The following GAB1 variants were observed in gnomAD, a reference collection of about 807,000 sequenced individuals.
The protein encoded by GAB1 is GRB2 associated binding protein 1, also known as GRB2-associated-binding protein 1.
A neutral mutation model predicts 66.5 loss-of-function variants in GAB1; 19 were observed. That is an observed-to-expected ratio of 0.29 (90% CI 0.20 to 0.42). The LOEUF is 0.42. Among genes scored for constraint, GAB1 ranks in the 10% least tolerant of loss-of-function variants. The pLI is 1.00. For synonymous variants in GAB1, 294 were observed against 301.4 expected (o/e 0.98, Z 0.25); for missense variants, 732 against 858.5 (o/e 0.85, Z 1.84).
chr4:143,411,673 C>T lies in GAB1; in HGVS notation c.73-3804C>T, dbSNP rs185514748. On this transcript the variant is annotated intron_variant, in intron 1 of 9. Coordinates refer to ENST00000262994, the MANE Select transcript of GAB1 (RefSeq NM_002039.4). ...GATAACAAAGACTGATTTATGTGGG[C>T]CCGTTTTGTGCTCTGACAAAACATA... Among the ~76,000 whole-genome samples the T allele has an allele frequency of 3.3e-5, 5 of 152,268 alleles. No individual in the cohort carries two copies. In the East Asian group the frequency reaches 7.7e-4, roughly 24 times the overall value.
At chr4:143,445,112 A>G (rs1032078657) in intron 6 of GAB1, among the ~76,000 whole-genome samples, 7 of 152,176 alleles carry the variant, frequency 4.6e-5, no homozygotes, top group African/African-American at 1.4e-4. Context: ...ATACCCAGTA[A>G]TGGAATTGCT....
chr4:143,446,674 A>T (rs1011380186), intron 6 of GAB1, among the ~76,000 whole-genome samples: 8 of 152,066 alleles, frequency 5.3e-5, no homozygotes, highest in Non-Finnish European at 8.8e-5. Flanking sequence ...GTTTGAGTTC[A>T]TTGTAGATTC....
intron 1 of GAB1, among the ~76,000 whole-genome samples, chr4:143,352,804 CTG>C (rs943978455): frequency 2.6e-5 from 4 of 152,146 alleles, no homozygotes; most frequent in Non-Finnish European, 5.9e-5. Flanking sequence ...AGAACCAAAA[CTG>C]AGAGAGTAAC....
Position 143,349,809 on chromosome 4 carries a change from G to A in GAB1, c.72+12549G>A, listed in dbSNP as rs916860246. The A allele has an allele frequency of 1.9e-6, 3 of 1,586,690 alleles. No homozygotes were observed. The African/African-American group carries it at 4.0e-5, about 21-fold the overall frequency. ...TGAACCTCGTGCGCTGGCCGGCACGGGTCTGCTTCTGCACTGGCATAATCT... is the reference window on the plus strand; with the variant it reads ...TGAACCTCGTGCGCTGGCCGGCACGAGTCTGCTTCTGCACTGGCATAATCT... On this transcript the variant is annotated intron_variant, in intron 1 of 9. Coordinates refer to ENST00000262994, the MANE Select transcript of GAB1 (RefSeq NM_002039.4).
Position 143,473,818 on chromosome 4 carries a change from A to G in GAB1, c.*4629A>G, listed in dbSNP as rs958418154. 3.3e-5 allele frequency: 5 copies of G among 152,216 alleles called. No individual in the cohort carries two copies. The highest frequency in any genetic ancestry group is 7.3e-5 in the Non-Finnish European group (5 of 68,030). The allele number at this position is 152,216 out of a possible 1,614,324, so 9.4% of individuals were successfully genotyped here. A position where few individuals can be genotyped will look rare whatever the true frequency, so the allele number is the denominator to read the frequency against. ...GCACTTTGGTCCACTCAGCCCACCC[A>G]GCCCACTTGCAACTCTGACTCTTCA... is the stretch of plus-strand genomic sequence containing the variant. On this transcript the variant is annotated 3_prime_UTR_variant, in exon 10 of 10. Coordinates refer to ENST00000262994, the MANE Select transcript of GAB1 (RefSeq NM_002039.4).
chr4:143,460,367 T>C lies in GAB1; in HGVS notation c.1683T>C (p.Ser561=), dbSNP rs1735425808. The C allele has an allele frequency of 6.2e-7, 1 of 1,613,634 alleles. No individual in the cohort carries two copies. Among genetic ancestry groups the C allele is most frequent in the Non-Finnish European group, 8.5e-7 (1 of 1,179,734 alleles). ...TGATGATAATTTCTGTAATTAGCTCTTCCAGGTTTCCCATGTCCCCCCGAC... is the reference window on the plus strand; with the variant it reads ...TGATGATAATTTCTGTAATTAGCTCCTCCAGGTTTCCCATGTCCCCCCGAC... ...SPITRSFARD[S]SRFPMSPRPD... The change falls in exon 8 of 10, where the codon TCT becomes TCC. Residue 561 remains serine (S), a synonymous_variant. Coordinates refer to ENST00000262994, the MANE Select transcript of GAB1 (RefSeq NM_002039.4).
intron 1 of GAB1, among the ~76,000 whole-genome samples, chr4:143,370,881 T>C (rs1428202734): frequency 2.2e-4 from 34 of 152,172 alleles, no homozygotes; most frequent in Admixed American, 2.2e-3. Context: ...CATGAACTCA[T>C]CCTTTTTTAT....
chr4:143,453,157 A>C (rs1200563562), intron 6 of GAB1, among the ~76,000 whole-genome samples: 2 of 152,212 alleles, frequency 1.3e-5, no homozygotes, highest in African/African-American at 4.8e-5. Flanking sequence ...AGAGAAATCC[A>C]GCTAACAAAA....
At chr4:143,415,380 A>G in intron 1 of GAB1, 97 bp from the exon 2 acceptor site, 1 of 962,838 alleles carries the variant, frequency 1.0e-6, no homozygotes, top group South Asian at 1.7e-5. Flanking sequence ...GACTTTCTCT[A>G]AACAATGCAT....
At chr4:143,367,719 GT>G (rs71588248) in intron 1 of GAB1, among the ~76,000 whole-genome samples, 4,613 of 94,572 alleles carry the variant, frequency 0.049, 43 homozygotes, top group Non-Finnish European at 0.068. Context: ...TCAGATGAGG[GT>G]TTTTTTTTTT....
intron 6 of GAB1, among the ~76,000 whole-genome samples, chr4:143,444,197 T>C (rs756478855): frequency 2.6e-4 from 40 of 152,212 alleles, no homozygotes; most frequent in Non-Finnish European, 5.6e-4. Context: ...GACATAAATC[T>C]AGTATATTAA....
intron 1 of GAB1, among the ~76,000 whole-genome samples, chr4:143,351,822 T>C (rs1187970948): frequency 6.6e-6 from 1 of 152,194 alleles, no homozygotes; most frequent in Non-Finnish European, 1.5e-5. Context: ...ATTGCACAGA[T>C]TTATCTGGCT....
intron 1 of GAB1, among the ~76,000 whole-genome samples, chr4:143,407,146 A>G (rs1732091560): frequency 6.6e-6 from 1 of 152,108 alleles, no homozygotes; most frequent in Non-Finnish European, 1.5e-5. Context: ...TTACCTATAT[A>G]CCTTTTTTCT....
Position 143,422,283 on chromosome 4 carries a change from A to C in GAB1, c.367+6512A>C, listed in dbSNP as rs949482869. 3.3e-5 allele frequency among the ~76,000 whole-genome samples: 5 copies of C among 152,174 alleles called. No individual in the cohort carries two copies. The East Asian group carries it at 7.7e-4, about 23-fold the overall frequency. On this transcript the variant is annotated intron_variant, in intron 2 of 9. Transcript: ENST00000262994. The stretch of plus-strand genomic sequence containing the variant: ...AATCAATAGAAGCAGAGTAACCCTG[A>C]CCTGTTTACATTTAATTGTGAACAT...
intron 2 of GAB1, among the ~76,000 whole-genome samples, chr4:143,433,158 A>G (rs1297847425): frequency 1.3e-5 from 2 of 152,200 alleles, no homozygotes; most frequent in African/African-American, 2.4e-5. Flanking sequence ...CTTCATTATC[A>G]TGGAGTTTTA....
intron 1 of GAB1, among the ~76,000 whole-genome samples, chr4:143,408,254 A>G (rs1186409601): frequency 6.6e-6 from 1 of 152,212 alleles, no homozygotes; most frequent in Non-Finnish European, 1.5e-5. Flanking sequence ...TTTTGTGCAC[A>G]TCATTCCTAG....
At chr4:143,392,554 G>C (rs1731234781) in intron 1 of GAB1, among the ~76,000 whole-genome samples, 1 of 152,146 alleles carries the variant, frequency 6.6e-6, no homozygotes. Flanking sequence ...AGTGGTGGTG[G>C]TGACATGTTA....
chr4:143,356,136 G>A (rs1729437109), intron 1 of GAB1, among the ~76,000 whole-genome samples: 1 of 152,100 alleles, frequency 6.6e-6, no homozygotes, highest in South Asian at 2.1e-4. Flanking sequence ...TGATTTTGTG[G>A]GGGAAATATT....
chr4:143,414,571 C>T (rs2661788), intron 1 of GAB1, among the ~76,000 whole-genome samples: 12,883 of 152,094 alleles, frequency 0.085, 774 homozygotes, highest in African/African-American at 0.17. Context: ...CTTTGAACAA[C>T]AGGCTGTGTG....
Sources: gnomAD v4.1 joint callset for allele counts (sites outside exome capture counted in the v4.1 genomes callset) on GRCh38, gnomAD v4.1.1 for gene constraint, MANE v1.5 for transcripts, NCBI Gene and HGNC (gene_info 2026-07-23, HGNC 2026-07-21) for gene names.